KPNA6: variants seen among roughly 807,000 people sequenced by gnomAD.
KPNA6 encodes importin subunit alpha-7.
In KPNA6, 9 loss-of-function variants were observed where a neutral mutation model predicts 72.0. That is an observed-to-expected ratio of 0.13 (90% CI 0.08 to 0.22). The LOEUF (loss-of-function observed/expected upper bound fraction) is 0.22. KPNA6 is among the 10% of genes least tolerant of loss of function. KPNA6 has a pLI of 1.00. For missense variants in KPNA6, 374 were observed against 655.7 expected (o/e 0.57, Z 4.69); for synonymous variants, 219 against 242.1 (o/e 0.90, Z 0.89).
chr1:32,164,534 C>A lies in KPNA6; in HGVS notation c.990+1221C>A, dbSNP rs375742579. On this transcript the variant is annotated intron_variant, in intron 10 of 13. Transcript: ENST00000373625. Reference sequence around the variant, plus strand: ...TCCAGTTTCCCCACAGCCTTGCCAACAGTTGTTATTTTCCGTTTTTTGTTT... The same window carrying A: ...TCCAGTTTCCCCACAGCCTTGCCAAAAGTTGTTATTTTCCGTTTTTTGTTT... Among the ~76,000 whole-genome samples, 19 of 151,764 alleles carry A rather than the reference C, an allele frequency of 1.3e-4. No homozygotes were observed. In the East Asian group the frequency reaches 3.3e-3, roughly 26 times the overall value.
At chr1:32,163,388 C>A in intron 10 of KPNA6, 75 bp downstream of exon 10, 1 of 1,072,534 alleles carries the variant, frequency 9.3e-7, no homozygotes, top group Non-Finnish European at 1.4e-6. Context: ...GGACAAAAGC[C>A]TTTCCTGCAA....
rs1408118443 is a variant in KPNA6 at position 32,132,101 on chromosome 1, G to A, written c.5-22487G>A. On this transcript the variant is annotated intron_variant, in intron 1 of 13. Transcript: ENST00000373625. ...TTCTCCTGCCTCAGCCTCCCAAGTAGCTGGGATTACAGGTATGCACCACCA... is the reference window on the plus strand; with the variant it reads ...TTCTCCTGCCTCAGCCTCCCAAGTAACTGGGATTACAGGTATGCACCACCA... Among the ~76,000 whole-genome samples the A allele has an allele frequency of 7.2e-5, 11 of 151,888 alleles. No individual in the cohort carries two copies. In the East Asian group the frequency reaches 2.1e-3, roughly 30 times the overall value.
rs150425257 is a variant in KPNA6 at position 32,172,265 on chromosome 1, T to A, written c.*1371T>A. ...CCAACCTTCAGCTCTGGAACCTTCA[T>A]AAAGCAGGTCAGCGTGGCCTGATTG... is the stretch of plus-strand genomic sequence containing the variant. On this transcript the variant is annotated 3_prime_UTR_variant, in exon 14 of 14. Coordinates refer to ENST00000373625, the MANE Select transcript of KPNA6 (RefSeq NM_012316.5). 1 of 152,170 alleles carries A rather than the reference T, an allele frequency of 6.6e-6. No individual in the cohort carries two copies. Among genetic ancestry groups the A allele is most frequent in the East Asian group, 1.9e-4 (1 of 5,148 alleles). 9.4% of individuals were successfully genotyped at this position (152,170 alleles called of 1,614,324 possible). A position where few individuals can be genotyped will look rare whatever the true frequency, so the allele number is the denominator to read the frequency against.
chr1:32,113,264 G>C (rs1218511041), intron 1 of KPNA6, among the ~76,000 whole-genome samples: 1 of 151,904 alleles, frequency 6.6e-6, no homozygotes, highest in African/African-American at 2.4e-5. Flanking sequence ...GTGGTGGCGC[G>C]TGACTGTAGT....
chr1:32,154,518 G>C, intron 1 of KPNA6, 70 bp from the exon 2 acceptor site: 1 of 1,549,308 alleles, frequency 6.5e-7, no homozygotes, highest in East Asian at 2.3e-5. Context: ...GGTGGGTAGG[G>C]ATAGAAGTCT....
chr1:32,123,020 T>C (rs866536873), intron 1 of KPNA6, among the ~76,000 whole-genome samples: 2 of 151,556 alleles, frequency 1.3e-5, no homozygotes, highest in African/African-American at 4.9e-5. Flanking sequence ...GAGGCTCTTA[T>C]AATGTCTAGG....
At chr1:32,168,627 G>A (rs1642380020) in intron 12 of KPNA6, among the ~76,000 whole-genome samples, 1 of 152,236 alleles carries the variant, frequency 6.6e-6, no homozygotes, top group African/African-American at 2.4e-5. Context: ...AGAGATAGCT[G>A]TTGAGTTAAG....
intron 1 of KPNA6, among the ~76,000 whole-genome samples, chr1:32,115,501 A>C (rs1641315041): frequency 6.6e-6 from 1 of 150,444 alleles, no homozygotes; most frequent in Non-Finnish European, 1.5e-5. Context: ...AAGATAGCAC[A>C]CTGCAACCTC....
intron 1 of KPNA6, among the ~76,000 whole-genome samples, chr1:32,130,441 G>A (rs1269694429): frequency 1.3e-5 from 2 of 152,012 alleles, no homozygotes; most frequent in Non-Finnish European, 2.9e-5. Flanking sequence ...CTTGTATACT[G>A]CAAGTCAGTT....
At chr1:32,146,560 T>C (rs572387944) in intron 1 of KPNA6, among the ~76,000 whole-genome samples, 1 of 152,374 alleles carries the variant, frequency 6.6e-6, no homozygotes, top group African/African-American at 2.4e-5. Flanking sequence ...TTGGAATCAA[T>C]ACCAGCTTAA....
intron 1 of KPNA6, among the ~76,000 whole-genome samples, chr1:32,134,248 C>G (rs1205548262): frequency 6.9e-6 from 1 of 144,682 alleles, no homozygotes; most frequent in African/African-American, 2.6e-5. Flanking sequence ...CAGTACAACA[C>G]TTCGTCTCAA....
chr1:32,131,192 G>A (rs1459731200), intron 1 of KPNA6, among the ~76,000 whole-genome samples: 1 of 152,198 alleles, frequency 6.6e-6, no homozygotes, highest in African/African-American at 2.4e-5. Flanking sequence ...TACTCGGGAG[G>A]CCGAGGCAGG....
chr1:32,173,172 TTAAA>T lies in KPNA6; in HGVS notation c.*2279_*2282del. On this transcript the variant is annotated 3_prime_UTR_variant, in exon 14 of 14. Coordinates refer to ENST00000373625, the MANE Select transcript of KPNA6 (RefSeq NM_012316.5). ...CATTAAAAAACCATTCTCTTACAGT[TTAAA>T]AAAAAAAAAAAAAAAAAAGCCTTCC... is the stretch of plus-strand genomic sequence containing the variant. 2.9e-6 allele frequency: 1 copy of T among 349,772 alleles called. No homozygotes were observed. The highest frequency in any genetic ancestry group is 3.3e-5 in the African/African-American group (1 of 29,972). 21.7% of individuals were successfully genotyped at this position (349,772 alleles called of 1,614,324 possible). A position where few individuals can be genotyped will look rare whatever the true frequency, so the allele number is the denominator to read the frequency against.
At chr1:32,116,260 C>T (rs199597379) in intron 1 of KPNA6, among the ~76,000 whole-genome samples, 6 of 151,474 alleles carry the variant, frequency 4.0e-5, no homozygotes, top group East Asian at 2.0e-4. Context: ...CTCCGCCTCC[C>T]GGGTTCATGC....
intron 12 of KPNA6, among the ~76,000 whole-genome samples, chr1:32,168,963 A>AGGAG (rs1443609098): frequency 6.6e-6 from 1 of 152,148 alleles, no homozygotes; most frequent in African/African-American, 2.4e-5. Context: ...AGAGGCAAGG[A>AGGAG]GGAGGAGTGT....
chr1:32,122,955 C>A (rs1451209177), intron 1 of KPNA6, among the ~76,000 whole-genome samples: 2 of 131,776 alleles, frequency 1.5e-5, no homozygotes, highest in Non-Finnish European at 3.2e-5. Flanking sequence ...GAAACTCCAT[C>A]TCAAAAAAAA....
chr1:32,150,385 G>A (rs1306211213), intron 1 of KPNA6, among the ~76,000 whole-genome samples: 2 of 151,696 alleles, frequency 1.3e-5, no homozygotes, highest in Non-Finnish European at 2.9e-5. Flanking sequence ...CATCTGCCTC[G>A]GCCTCCCAAC....
In KPNA6 at chr1:32,108,110, G is replaced by A. The variant is rs1641175605; in HGVS notation, c.-21G>A. ...CTGCCGCCGTTGCCTCCGCCGCCAA[G>A]AGTGAGCGAGCGGACCCGCGATGGG... On this transcript the variant is annotated 5_prime_UTR_variant, in exon 1 of 14. Coordinates refer to ENST00000373625, the MANE Select transcript of KPNA6 (RefSeq NM_012316.5). 1 of 1,614,060 alleles carries A rather than the reference G, an allele frequency of 6.2e-7. No homozygotes were observed. The highest frequency in any genetic ancestry group is 8.5e-7 in the Non-Finnish European group (1 of 1,179,958).
At position 32,159,545 on chromosome 1, in the gene KPNA6, T is replaced by G. The variant is rs568818614; in HGVS notation, c.558+14T>G. 1.2e-6 allele frequency: 2 copies of G among 1,612,322 alleles called. No individual in the cohort carries two copies. The highest frequency in any genetic ancestry group is 1.7e-6 in the Non-Finnish European group (2 of 1,179,120). On this transcript the variant is annotated intron_variant, in intron 6 of 13. Coordinates refer to ENST00000373625, the MANE Select transcript of KPNA6 (RefSeq NM_012316.5). Reference sequence around the variant, plus strand: ...GTTCAGGAACAGGTAATGCTTAGATTTGGTGTGATTCTTTATAGTACCTGT... The same window carrying G: ...GTTCAGGAACAGGTAATGCTTAGATGTGGTGTGATTCTTTATAGTACCTGT...
Sources: gnomAD v4.1 joint callset for allele counts (sites outside exome capture counted in the v4.1 genomes callset) on GRCh38, gnomAD v4.1.1 for gene constraint, MANE v1.5 for transcripts, NCBI Gene and HGNC (gene_info 2026-07-23, HGNC 2026-07-21) for gene names.